HIVEP3: variants seen among roughly 807,000 people sequenced by gnomAD.
The protein encoded by HIVEP3 is transcription factor HIVEP3.
In HIVEP3, 49 loss-of-function variants were observed where a neutral mutation model predicts 152.8. The observed-to-expected ratio is 0.32, with a 90% CI of 0.26 to 0.41. HIVEP3 has a LOEUF of 0.41. Ranked by LOEUF, HIVEP3 falls within the 10% of genes least tolerant of loss-of-function variation. HIVEP3 has a pLI of 1.00. For missense variants in HIVEP3, 2,790 were observed against 3,103.3 expected, an observed-to-expected ratio of 0.90 and a Z score of 2.40; for synonymous variants, 1,269 against 1,289.0, an observed-to-expected ratio of 0.98 and a Z score of 0.33.
intron 1 of HIVEP3, among the ~76,000 whole-genome samples, chr1:41,878,965 C>T (rs1043264831): frequency 5.3e-5 from 8 of 150,772 alleles, no homozygotes; most frequent in Non-Finnish European, 1.0e-4. Context: ...GTCTCTTCCA[C>T]GGCTGGGGAT....
intron 1 of HIVEP3, among the ~76,000 whole-genome samples, chr1:41,800,807 T>C (rs1650257878): frequency 6.6e-6 from 1 of 152,182 alleles, no homozygotes; most frequent in Non-Finnish European, 1.5e-5. Context: ...ATGCAAGTGA[T>C]CAGATGCCTC....
In HIVEP3 at chr1:41,580,322, G is replaced by A. The variant is rs762620756; in HGVS notation, c.4476C>T (p.Gly1492=). ...EKSHLGNQGQ[G]RRELEMLSSL... ...TGGACAGCATTTCTAGCTCCCTCCT[G>A]CCTTGGCCCTGGTTGCCTAAGTGGG... is the stretch of plus-strand genomic sequence containing the variant. Residue 1492 remains glycine (G), a synonymous_variant, in exon 4 of 9, where the codon GGC becomes GGT. Transcript: ENST00000372583. The A allele has an allele frequency of 7.4e-6, 12 of 1,614,200 alleles. No homozygotes were observed. Among genetic ancestry groups the A allele is most frequent in the South Asian group, 3.3e-5 (3 of 91,086 alleles).
chr1:41,542,932 G>A (rs1486472515), intron 5 of HIVEP3: 1 of 152,196 alleles, frequency 6.6e-6, no homozygotes, highest in African/African-American at 2.4e-5. Flanking sequence ...TAACCTAACT[G>A]TTAGGTTTCT....
chr1:41,842,149 C>T (rs565740185), intron 1 of HIVEP3, among the ~76,000 whole-genome samples: 1 of 152,160 alleles, frequency 6.6e-6, no homozygotes, highest in African/African-American at 2.4e-5. Context: ...ATATAGTAAG[C>T]ACTCAATAAT....
At chr1:41,931,326 A>G (rs145898936) in intron 1 of HIVEP3, among the ~76,000 whole-genome samples, 4 of 152,074 alleles carry the variant, frequency 2.6e-5, no homozygotes, top group Middle Eastern at 3.4e-3. Context: ...TCTTTCTTGC[A>G]TATAGATATC....
chr1:41,594,806 C>T (rs1001652320), intron 3 of HIVEP3, among the ~76,000 whole-genome samples: 1 of 152,160 alleles, frequency 6.6e-6, no homozygotes, highest in Admixed American at 6.5e-5. Context: ...TAGAATGTCA[C>T]CCAAATTTTC....
chr1:41,878,808 C>T (rs1356172532), intron 1 of HIVEP3, among the ~76,000 whole-genome samples: 4 of 145,100 alleles, frequency 2.8e-5, no homozygotes, highest in African/African-American at 1.0e-4. Flanking sequence ...TCCTCCCCTT[C>T]CCTCTCTTCT....
intron 5 of HIVEP3, among the ~76,000 whole-genome samples, chr1:41,537,987 G>A (rs1358531635): frequency 6.6e-6 from 1 of 152,204 alleles, no homozygotes; most frequent in Admixed American, 6.5e-5. Flanking sequence ...GAAATATAAA[G>A]CTAAATAAAA....
chr1:41,750,756 T>C (rs1197541208), intron 1 of HIVEP3, among the ~76,000 whole-genome samples: 2 of 150,590 alleles, frequency 1.3e-5, no homozygotes, highest in African/African-American at 2.4e-5. Flanking sequence ...TGGAGTGCAA[T>C]GGTGCGATCT....
At chr1:41,879,390 T>C (rs1557477920) in intron 1 of HIVEP3, among the ~76,000 whole-genome samples, 1 of 152,240 alleles carries the variant, frequency 6.6e-6, no homozygotes, top group South Asian at 2.1e-4. Flanking sequence ...TTCCCCTCAG[T>C]GGATTACAAC....
chr1:41,899,538 C>T (rs966187101), intron 1 of HIVEP3, among the ~76,000 whole-genome samples: 1 of 152,086 alleles, frequency 6.6e-6, no homozygotes, highest in Admixed American at 6.5e-5. Context: ...TCCCGAGTAG[C>T]TGGGATTACA....
At chr1:41,546,565 G>A (rs1643809295) in intron 5 of HIVEP3, among the ~76,000 whole-genome samples, 1 of 152,332 alleles carries the variant, frequency 6.6e-6, no homozygotes. Flanking sequence ...GCCTTGTAGA[G>A]TCAGCAAATT....
In HIVEP3 at chr1:41,513,571, G is replaced by A. The variant is rs769670042; in HGVS notation, c.5650C>T (p.Pro1884Ser). The part of the protein sequence containing the change: ...LSRPSSEAPP[P>S]GPPHALRADS... The stretch of plus-strand genomic sequence containing the variant: ...GCCCGCAGTGCATGTGGTGGGCCAG[G>A]CGGGGGCGCCTCTGAGGATGGTCTG... Residue 1884 changes from proline to serine, a missense_variant, in exon 8 of 9, where the codon CCT (proline) becomes TCT (serine). Coordinates refer to ENST00000372583, the MANE Select transcript of HIVEP3 (RefSeq NM_024503.5). The A allele has an allele frequency of 6.2e-6, 10 of 1,612,912 alleles. No homozygotes were observed. The East Asian group carries it at 2.2e-4, about 36-fold the overall frequency.
rs116232078 is a variant in HIVEP3 at position 41,913,705 on chromosome 1, C to G, written c.-801+4708G>C. Among the ~76,000 whole-genome samples, 385 of 152,312 alleles carry G rather than the reference C, an allele frequency of 2.5e-3. 3 individuals are homozygous for G. The highest frequency in any genetic ancestry group is 8.9e-3 in the African/African-American group (369 of 41,572). ...AGCCACTGTATCCAGCTCCTCTGATCTTAAGATAGTTTCAACATCTAATGC... is the reference window on the plus strand; with the variant it reads ...AGCCACTGTATCCAGCTCCTCTGATGTTAAGATAGTTTCAACATCTAATGC... On this transcript the variant is annotated intron_variant, in intron 1 of 8. Transcript: ENST00000372583.
At chr1:41,547,692 T>A (rs1233632379) in intron 5 of HIVEP3, among the ~76,000 whole-genome samples, 1 of 152,228 alleles carries the variant, frequency 6.6e-6, no homozygotes, top group African/African-American at 2.4e-5. Context: ...CTTTGGGGAT[T>A]TATTTAAAAA....
chr1:41,778,600 G>C (rs937558054), intron 1 of HIVEP3, among the ~76,000 whole-genome samples: 6 of 152,184 alleles, frequency 3.9e-5, no homozygotes, highest in African/African-American at 1.4e-4. Context: ...ATAGTTTTAG[G>C]GGCTGAGCTC....
At chr1:41,612,614 G>C (rs1644914392) in intron 3 of HIVEP3, among the ~76,000 whole-genome samples, 1 of 152,208 alleles carries the variant, frequency 6.6e-6, no homozygotes, top group South Asian at 2.1e-4. Flanking sequence ...TCCGTCCCAT[G>C]GTTCTCAAGG....
chr1:41,720,659 A>G (rs1646661530), intron 1 of HIVEP3, among the ~76,000 whole-genome samples: 1 of 152,228 alleles, frequency 6.6e-6, no homozygotes, highest in Non-Finnish European at 1.5e-5. Flanking sequence ...ACAAATTAAA[A>G]ATAGAACTAC....
chr1:41,729,121 C>T (rs544864065), intron 1 of HIVEP3, among the ~76,000 whole-genome samples: 1 of 152,338 alleles, frequency 6.6e-6, no homozygotes, highest in South Asian at 2.1e-4. Context: ...ACTGTCTCCG[C>T]CACCCTCAGG....
Sources: gnomAD v4.1 joint callset for allele counts (sites outside exome capture counted in the v4.1 genomes callset) on GRCh38, gnomAD v4.1.1 for gene constraint, MANE v1.5 for transcripts, NCBI Gene and HGNC (gene_info 2026-07-23, HGNC 2026-07-21) for gene names.